ABCC3: variants seen among roughly 807,000 people sequenced by gnomAD.
ABCC3 encodes ATP-binding cassette sub-family C member 3.
Under a neutral mutation model 165.3 loss-of-function variants are expected in ABCC3, and 121 were observed. The observed-to-expected ratio is 0.73, with a 90% CI of 0.63 to 0.85. The LOEUF (loss-of-function observed/expected upper bound fraction) is 0.85, where lower values mean the gene tolerates loss of function less well. Ranked by LOEUF, ABCC3 falls within the 40% of genes least tolerant of loss-of-function variation. The probability of loss-of-function intolerance (pLI) is 0.00; values close to 1 mark genes in which losing one functional copy is unlikely to be tolerated. For synonymous variants in ABCC3, 733 were observed against 810.1 expected (o/e 0.90, Z 1.62); for missense variants, 1,869 against 1,964.1 (o/e 0.95, Z 0.92).
Position 50,687,626 on chromosome 17 carries a change from C to T in ABCC3, c.4371C>T (p.Asp1457=). 6.2e-7 allele frequency: 1 copy of T among 1,614,270 alleles called. No individual in the cohort carries two copies. The highest frequency in any genetic ancestry group is 2.2e-5 in the East Asian group (1 of 44,894). The change falls in exon 30 of 31, where the codon GAC becomes GAT. Residue 1457 remains aspartate (D), a synonymous_variant. Transcript: ENST00000285238. ...TAGACGAGGCCACAGCTGCCATCGACCTGGAGACTGACAACCTCATCCAGG... is the reference window on the plus strand; with the variant it reads ...TAGACGAGGCCACAGCTGCCATCGATCTGGAGACTGACAACCTCATCCAGG... ...LVLDEATAAI[D]LETDNLIQAT...
intron 1 of ABCC3, among the ~76,000 whole-genome samples, chr17:50,650,868 C>T (rs920740788): frequency 3.3e-5 from 5 of 151,838 alleles, no homozygotes; most frequent in South Asian, 2.1e-4. Context: ...AGTTCAAGAC[C>T]GGCCTGGCTG....
intron 19 of ABCC3, among the ~76,000 whole-genome samples, chr17:50,674,645 C>G (rs556493779): frequency 6.2e-4 from 95 of 152,240 alleles, no homozygotes; most frequent in African/African-American, 2.2e-3. Context: ...ACCCAGCTCC[C>G]CAGCCCCCAA....
chr17:50,643,627 T>C (rs1225812002), intron 1 of ABCC3: 2 of 456,248 alleles, frequency 4.4e-6, no homozygotes, highest in South Asian at 3.1e-5. Flanking sequence ...GGGAAGGGGA[T>C]CTCTCTAGGA....
chr17:50,635,682 G>T (rs1437265415), intron 1 of ABCC3: 1 of 682,174 alleles, frequency 1.5e-6, no homozygotes, highest in Non-Finnish European at 2.7e-6. Context: ...GAAGGGACTT[G>T]CCCAAAGTTA....
intron 4 of ABCC3, 84 bp downstream of exon 4, chr17:50,657,267 A>G (rs1298550680): frequency 6.6e-7 from 1 of 1,526,298 alleles, no homozygotes; most frequent in Non-Finnish European, 8.8e-7. Context: ...GCTGGGTCCC[A>G]GGTCCCTCCC....
chr17:50,655,416 A>C lies in ABCC3; in HGVS notation c.46-416A>C, dbSNP rs542564330. 8.9e-4 allele frequency among the ~76,000 whole-genome samples: 132 copies of C among 148,840 alleles called. 9 individuals carry two copies. The highest frequency in any genetic ancestry group is 1.6e-3 in the Admixed American group (24 of 14,996). On this transcript the variant is annotated intron_variant, in intron 1 of 30. Coordinates refer to ENST00000285238, the MANE Select transcript of ABCC3 (RefSeq NM_003786.4). The stretch of plus-strand genomic sequence containing the variant: ...TGAGACTCTGTCTCAAAAAAAAAAA[A>C]AAAAACAAAAACAAAAAAAAAAGAG...
intron 27 of ABCC3, 55 bp from the exon 28 acceptor site, chr17:50,683,894 A>G: frequency 1.3e-6 from 2 of 1,590,012 alleles, no homozygotes; most frequent in South Asian, 2.3e-5. Context: ...AGTCCTGGAG[A>G]TGCGCCTTTG....
At chr17:50,639,590 G>A (rs1467497347) in intron 1 of ABCC3, among the ~76,000 whole-genome samples, 1 of 152,148 alleles carries the variant, frequency 6.6e-6, no homozygotes, top group African/African-American at 2.4e-5. Context: ...AGGATCCCTG[G>A]GGAGTTGGGG....
At chr17:50,675,000 A>G (rs1181287357) in intron 19 of ABCC3, among the ~76,000 whole-genome samples, 4 of 151,816 alleles carry the variant, frequency 2.6e-5, no homozygotes, top group African/African-American at 4.8e-5. Flanking sequence ...GGGTTTCACC[A>G]TGTTGGCCAG....
chr17:50,689,971 A>T (rs1453305678), intron 30 of ABCC3, among the ~76,000 whole-genome samples: 1 of 152,128 alleles, frequency 6.6e-6, no homozygotes, highest in Non-Finnish European at 1.5e-5. Context: ...CATAGGAAGG[A>T]CGCAAAGGCC....
chr17:50,687,569 A>G lies in ABCC3; in HGVS notation c.4314A>G (p.Arg1438=). ...VGQRQLVCLA[R]ALLRKSRILV... is the part of the protein sequence containing the mutation. Reference sequence around the variant, plus strand: ...AGAGGCAGCTCGTGTGCCTGGCCCGAGCCCTGCTCCGCAAGAGCCGCATCC... The same window carrying G: ...AGAGGCAGCTCGTGTGCCTGGCCCGGGCCCTGCTCCGCAAGAGCCGCATCC... Residue 1438 remains arginine, a synonymous_variant, in exon 30 of 31, where the codon CGA becomes CGG. Transcript: ENST00000285238. 1 of 1,614,054 alleles carries G rather than the reference A, an allele frequency of 6.2e-7. No individual in the cohort carries two copies. Among genetic ancestry groups the G allele is most frequent in the Non-Finnish European group, 8.5e-7 (1 of 1,180,044 alleles).
At position 50,657,214 on chromosome 17, in the gene ABCC3, G is replaced by A. The variant is rs193149373; in HGVS notation, c.486+31G>A. 12 of 1,608,038 alleles carry A rather than the reference G, an allele frequency of 7.5e-6. No homozygotes were observed. The African/African-American group carries it at 1.5e-4, about 20-fold the overall frequency. On this transcript the variant is annotated intron_variant, in intron 4 of 30. Transcript: ENST00000285238. ...GTTGGGGGAGAGGGGAACCTGCCAGGTTTAGCCCTGATAGGAGGGTGACCT... is the reference window on the plus strand; with the variant it reads ...GTTGGGGGAGAGGGGAACCTGCCAGATTTAGCCCTGATAGGAGGGTGACCT...
Position 50,675,387 on chromosome 17 carries a change from G to A in ABCC3, c.2625G>A (p.Glu875=), listed in dbSNP as rs1967776666. 6 of 1,613,798 alleles carry A rather than the reference G, an allele frequency of 3.7e-6. No individual in the cohort carries two copies. The highest frequency in any genetic ancestry group is 4.2e-6 in the Non-Finnish European group (5 of 1,179,822). The change falls in exon 20 of 31, where the codon GAG becomes GAA. Residue 875 remains glutamate (E), a synonymous_variant. Transcript: ENST00000285238. ...WTALEGAEDK[E]ALLIEDTLSN... is the part of the protein sequence containing the mutation. ...CGTTGGAAGGTGCAGAGGATAAGGAGGCACTGCTGATTGAAGACACACTCA... is the reference window on the plus strand; with the variant it reads ...CGTTGGAAGGTGCAGAGGATAAGGAAGCACTGCTGATTGAAGACACACTCA...
intron 3 of ABCC3, 83 bp from the exon 4 acceptor site, chr17:50,656,963 T>C: frequency 6.4e-7 from 1 of 1,560,050 alleles, no homozygotes; most frequent in Non-Finnish European, 8.7e-7. Flanking sequence ...CCCCAGAAAC[T>C]TCTGGCCATG....
chr17:50,686,645 C>T (rs185251416), intron 29 of ABCC3, among the ~76,000 whole-genome samples: 86 of 152,164 alleles, frequency 5.7e-4, no homozygotes, highest in African/African-American at 1.9e-3. Context: ...TGCCCCACCC[C>T]GACACATGCC....
chr17:50,673,456 G>A lies in ABCC3; in HGVS notation c.2410-13G>A, dbSNP rs749439293. 2 of 1,612,130 alleles carry A rather than the reference G, an allele frequency of 1.2e-6. No individual in the cohort carries two copies. Among genetic ancestry groups the A allele is most frequent in the East Asian group, 4.5e-5 (2 of 44,840 alleles). ...AGGGTGGTAGGGGTGAGAGCCTGCTGCCTTCTCCCCAGACGCGAGTGCTGG... is the reference window on the plus strand; with the variant it reads ...AGGGTGGTAGGGGTGAGAGCCTGCTACCTTCTCCCCAGACGCGAGTGCTGG... On this transcript the variant is annotated splice_polypyrimidine_tract_variant and intron_variant, in intron 18 of 30. Transcript: ENST00000285238.
At chr17:50,673,982 C>CCTTCCTTCCTTTCTT (rs1967727504) in intron 19 of ABCC3, among the ~76,000 whole-genome samples, 1 of 14,682 alleles carries the variant, frequency 6.8e-5, no homozygotes, top group Non-Finnish European at 1.3e-4. Flanking sequence ...CTTTCTTTCT[C>CCTTCCTTCCTTTCTT]TCTCTCTCTC....
intron 7 of ABCC3, among the ~76,000 whole-genome samples, chr17:50,659,934 T>G (rs929200471): frequency 6.6e-6 from 1 of 152,102 alleles, no homozygotes; most frequent in Non-Finnish European, 1.5e-5. Flanking sequence ...TATAGTGAGC[T>G]GAGATTGTGC....
In ABCC3 at chr17:50,669,223, T is replaced by C. The variant is rs1279643729; in HGVS notation, c.2021T>C (p.Leu674Pro). 1 of 1,613,588 alleles carries C rather than the reference T, an allele frequency of 6.2e-7. No individual in the cohort carries two copies. Among genetic ancestry groups the C allele is most frequent in the Admixed American group, 1.7e-5 (1 of 59,832 alleles). Reference protein sequence around the residue: ...GCGKSSLVSALLGEMEKLEGK... With the variant: ...GCGKSSLVSAPLGEMEKLEGK... ...GGGAAGTCCTCCCTGGTGTCTGCCC[T>C]GCTGGGAGAGATGGAGAAGCTAGAA... The change falls in exon 16 of 31, where the codon CTG becomes CCG. Residue 674 changes from leucine (L) to proline (P), a missense_variant. Coordinates refer to ENST00000285238, the MANE Select transcript of ABCC3 (RefSeq NM_003786.4).
Sources: gnomAD v4.1 joint callset for allele counts (sites outside exome capture counted in the v4.1 genomes callset) on GRCh38, gnomAD v4.1.1 for gene constraint, MANE v1.5 for transcripts, NCBI Gene and HGNC (gene_info 2026-07-23, HGNC 2026-07-21) for gene names.